Variants in ARHGAP29 observed in about 807,000 individuals in gnomAD.
ARHGAP29 encodes rho GTPase-activating protein 29.
A neutral mutation model predicts 122.6 loss-of-function variants in ARHGAP29; 43 were observed. That is an observed-to-expected ratio of 0.35 (90% CI 0.27 to 0.45). ARHGAP29 has a LOEUF of 0.45. Among genes scored for constraint, ARHGAP29 ranks in the 20% least tolerant of loss-of-function variants. The pLI, the probability that ARHGAP29 is intolerant of heterozygous loss-of-function variation, is 1.00. For missense variants in ARHGAP29, 1,303 were observed against 1,477.2 expected, an observed-to-expected ratio of 0.88 and a Z score of 1.93; for synonymous variants, 506 against 497.1, an observed-to-expected ratio of 1.02 and a Z score of -0.24.
At chr1:94,233,806 G>A (rs1653083625) in intron 1 of ARHGAP29, among the ~76,000 whole-genome samples, 1 of 152,174 alleles carries the variant, frequency 6.6e-6, no homozygotes, top group Admixed American at 6.5e-5. Context: ...TCCATGGGAT[G>A]TATGTGAGTT....
the ARHGAP29 span, among the ~76,000 whole-genome samples, chr1:94,280,711 G>A: frequency 6.6e-6 from 1 of 152,336 alleles, no homozygotes; most frequent in South Asian, 2.1e-4. Context: ...CAAAGGGCAG[G>A]AACGGTGAGT....
Position 94,201,955 on chromosome 1 carries a change from A to C in ARHGAP29, c.1144-98T>G. The C allele has an allele frequency of 4.3e-6, 5 of 1,174,144 alleles. No individual in the cohort carries two copies. The South Asian group carries it at 8.2e-5, about 19-fold the overall frequency. 72.7% of individuals were successfully genotyped at this position (1,174,144 alleles called of 1,614,324 possible). ...TAAGTTGAAATAACTGAAAATTCTG[A>C]AATCTTCTGTTTTCAAAATAATACT... On this transcript the variant is annotated intron_variant, in intron 11 of 22. Coordinates refer to ENST00000260526, the MANE Select transcript of ARHGAP29 (RefSeq NM_004815.4).
At chr1:94,294,280 A>G in the ARHGAP29 span, among the ~76,000 whole-genome samples, 101 of 151,882 alleles carry the variant, frequency 6.6e-4, 2 homozygotes, top group African/African-American at 2.3e-3. Flanking sequence ...ACACACACAC[A>G]CACGCGCATA....
At chr1:94,206,959 T>C (rs1281610267) in intron 5 of ARHGAP29, among the ~76,000 whole-genome samples, 2 of 149,750 alleles carry the variant, frequency 1.3e-5, no homozygotes, top group Middle Eastern at 3.3e-3. Flanking sequence ...TATATTCAAA[T>C]GAGGCAAATA....
chr1:94,277,754 G>T (rs1370380793), upstream of ARHGAP29, among the ~76,000 whole-genome samples: 1 of 152,080 alleles, frequency 6.6e-6, no homozygotes, highest in Non-Finnish European at 1.5e-5. Flanking sequence ...TCCATGATGG[G>T]ATTGGCCTGA....
At chr1:94,258,708 A>G (rs1654453323) in intron 1 of ARHGAP29, among the ~76,000 whole-genome samples, 1 of 152,214 alleles carries the variant, frequency 6.6e-6, no homozygotes, top group Non-Finnish European at 1.5e-5. Context: ...CCTATGTAGT[A>G]AGGTCTTACA....
intron 1 of ARHGAP29, among the ~76,000 whole-genome samples, chr1:94,244,211 A>C (rs920175559): frequency 6.8e-6 from 1 of 147,944 alleles, no homozygotes; most frequent in Non-Finnish European, 1.5e-5. Flanking sequence ...TACCAAAAAA[A>C]AAAACCACAC....
the ARHGAP29 span, among the ~76,000 whole-genome samples, chr1:94,308,359 T>G: frequency 6.6e-6 from 1 of 152,130 alleles, no homozygotes; most frequent in East Asian, 1.9e-4. Flanking sequence ...TTGAGCAATT[T>G]CCCCAAGATC....
In ARHGAP29 at chr1:94,189,336, A is replaced by G; in HGVS notation, c.1456T>C (p.Leu486=). The G allele has an allele frequency of 6.2e-7, 1 of 1,609,336 alleles. No individual in the cohort carries two copies. The highest frequency in any genetic ancestry group is 1.1e-5 in the South Asian group (1 of 89,900). ...AATCCTGAAGGTTGGGAACTATTTAAATGTTTATTTACATTTCTGAAACAA... is the reference window on the plus strand; with the variant it reads ...AATCCTGAAGGTTGGGAACTATTTAGATGTTTATTTACATTTCTGAAACAA... ...EKVDGNVNKH[L]NSSQPSGFGP... Residue 486 remains leucine (L), a synonymous_variant, in exon 14 of 23, where the codon TTA becomes CTA. Coordinates refer to ENST00000260526, the MANE Select transcript of ARHGAP29 (RefSeq NM_004815.4).
chr1:94,202,693 A>G lies in ARHGAP29; in HGVS notation c.994T>C (p.Cys332Arg). ...ENALKKAKLL[C>R]MQRQDEYEKA... ...TCATATTCATCTTGACGTTGCATGC[A>G]TAATAATTTTGCCTTTTTGAGAGCA... is the stretch of plus-strand genomic sequence containing the variant. The change falls in exon 11 of 23, where the codon TGC becomes CGC. Residue 332 changes from cysteine to arginine, a missense_variant. Cys to Arg is a radical substitution (Grantham distance 180). This residue lies in a region of ARHGAP29 where 592 missense variants were observed against 648.2 expected (regional missense o/e 0.91). Coordinates refer to ENST00000260526, the MANE Select transcript of ARHGAP29 (RefSeq NM_004815.4). 4 of 1,614,074 alleles carry G rather than the reference A, an allele frequency of 2.5e-6. No individual in the cohort carries two copies. Among genetic ancestry groups the G allele is most frequent in the South Asian group, 2.2e-5 (2 of 91,026 alleles).
the ARHGAP29 span, among the ~76,000 whole-genome samples, chr1:94,287,243 G>C: frequency 6.6e-6 from 1 of 152,138 alleles, no homozygotes; most frequent in Non-Finnish European, 1.5e-5. Flanking sequence ...ATCTCATCTG[G>C]AATTGTAATC....
chr1:94,220,074 A>G (rs1184321014), intron 3 of ARHGAP29, among the ~76,000 whole-genome samples, 184 bp downstream of exon 3: 2 of 152,224 alleles, frequency 1.3e-5, no homozygotes, highest in African/African-American at 4.8e-5. Context: ...TAGTTTTTAA[A>G]AGGAAGAAAG....
In ARHGAP29 at chr1:94,174,475, G is replaced by C; in HGVS notation, c.3180C>G (p.Asp1060Glu). 2 of 1,614,190 alleles carry C rather than the reference G, an allele frequency of 1.2e-6. No individual in the cohort carries two copies. Among genetic ancestry groups the C allele is most frequent in the African/African-American group, 1.3e-5 (1 of 75,044 alleles). The change falls in exon 23 of 23, where the codon GAC (aspartate) becomes GAG (glutamate). Residue 1060 changes from aspartate (D) to glutamate (E), a missense_variant. Physicochemically the swap from Asp to Glu is conservative, Grantham distance 45 (BLOSUM62 2). This residue lies in a region of ARHGAP29 where 620 missense variants were observed against 651.2 expected (regional missense o/e 0.95). Transcript: ENST00000260526. Reference protein sequence around the residue: ...NPAFEGVNRKDAATTVCSKFN... With the variant: ...NPAFEGVNRKEAATTVCSKFN... Reference sequence around the variant, plus strand: ...ATTTGGAACAAACAGTAGTAGCAGCGTCTTTTCTATTAACTCCTTCAAAGG... The same window carrying C: ...ATTTGGAACAAACAGTAGTAGCAGCCTCTTTTCTATTAACTCCTTCAAAGG...
At chr1:94,183,834 G>A (rs889364269) in intron 19 of ARHGAP29, among the ~76,000 whole-genome samples, 1 of 152,218 alleles carries the variant, frequency 6.6e-6, no homozygotes, top group Non-Finnish European at 1.5e-5. Flanking sequence ...TAAGAGAAGA[G>A]AGAGAGTTAT....
chr1:94,185,164 T>G, intron 17 of ARHGAP29, 104 bp from the exon 18 acceptor site: 2 of 1,233,782 alleles, frequency 1.6e-6, no homozygotes, highest in Non-Finnish European at 2.2e-6. Context: ...TAAGAGGTAT[T>G]ACTTGCGCTA....
chr1:94,205,397 A>C (rs191674548), intron 6 of ARHGAP29, among the ~76,000 whole-genome samples, 199 bp from the exon 7 acceptor site: 1 of 152,180 alleles, frequency 6.6e-6, no homozygotes, highest in Non-Finnish European at 1.5e-5. Context: ...ATCTTAAAAT[A>C]TATTTCTATT....
chr1:94,283,754 TAACA>T, the ARHGAP29 span, among the ~76,000 whole-genome samples: 1 of 152,208 alleles, frequency 6.6e-6, no homozygotes, highest in Non-Finnish European at 1.5e-5. Context: ...GTATGAAGTT[TAACA>T]AACAAACAAG....
chr1:94,202,855 A>T (rs2101508991), intron 10 of ARHGAP29, 63 bp downstream of exon 10: 1 of 1,548,512 alleles, frequency 6.5e-7, no homozygotes, highest in African/African-American at 1.4e-5. Flanking sequence ...GAAGGTCAGT[A>T]TATACTGCAG....
chr1:94,202,615 C>A lies in ARHGAP29; in HGVS notation c.1072G>T (p.Gly358Cys). 1 of 1,614,156 alleles carries A rather than the reference C, an allele frequency of 6.2e-7. No homozygotes were observed. The highest frequency in any genetic ancestry group is 8.5e-7 in the Non-Finnish European group (1 of 1,180,038). Residue 358 changes from glycine (G) to cysteine (C), a missense_variant, in exon 11 of 23, where the codon GGC becomes TGC. Physicochemically the swap from Gly to Cys is radical, Grantham distance 159. Transcript: ENST00000260526. ...TTGTTGAGATTTTTTGCTAATCCGC[C>A]ACTTGAAGACAGATGCTCCTCTTCT... ...RAEEEHLSSS[G>C]GLAKNLNKQL...
Sources: gnomAD v4.1 joint callset for allele counts (sites outside exome capture counted in the v4.1 genomes callset) on GRCh38, gnomAD v4.1.1 for gene constraint, gnomAD v4.1.1 regional missense constraint, MANE v1.5 for transcripts, NCBI Gene and HGNC (gene_info 2026-07-23, HGNC 2026-07-21) for gene names.